Variants in CEP120 observed in about 807,000 individuals in gnomAD.
The protein encoded by CEP120 is centrosomal protein of 120 kDa.
Under a neutral mutation model 126.5 loss-of-function variants are expected in CEP120, and 113 were observed. That is an observed-to-expected ratio of 0.89 (90% CI 0.77 to 1.04). The LOEUF (loss-of-function observed/expected upper bound fraction) is 1.04. Among genes scored for constraint, CEP120 ranks in the 50% least tolerant of loss-of-function variants. CEP120 has a pLI of 0.00. For synonymous variants in CEP120, 400 were observed against 394.3 expected, an observed-to-expected ratio of 1.01 and a Z score of -0.17; for missense variants, 1,230 against 1,155.7, an observed-to-expected ratio of 1.06 and a Z score of -0.93.
chr5:123,422,635 C>CA (rs1482967370), intron 1 of CEP120: 5 of 1,152,314 alleles, frequency 4.3e-6, no homozygotes, highest in Admixed American at 2.0e-5. Flanking sequence ...TCAGAACGCG[C>CA]TTCTCAGGAC....
At position 123,376,193 on chromosome 5, in the gene CEP120, T is replaced by C. The variant is rs569346187; in HGVS notation, c.2358+1181A>G. ...AAAAGAACAGGAGAATAATGTCCTA[T>C]GAGACCATAAAATAAAAATTTGTCC... On this transcript the variant is annotated intron_variant, in intron 16 of 19. Transcript: ENST00000306467. 2.6e-5 allele frequency among the ~76,000 whole-genome samples: 4 copies of C among 152,220 alleles called. No homozygotes were observed. The South Asian group carries it at 8.3e-4, about 32-fold the overall frequency.
intron 18 of CEP120, among the ~76,000 whole-genome samples, chr5:123,354,863 C>T (rs1769463770): frequency 6.6e-6 from 1 of 151,806 alleles, no homozygotes. Context: ...TATACATGTG[C>T]CATGTTGGTG....
At position 123,390,180 on chromosome 5, in the gene CEP120, C is replaced by T. The variant is rs765991730; in HGVS notation, c.1039-40G>A. ...TAAATAAAGTATAATTTGCAAAGAA[C>T]TTTCCTTCATAATTAAGCAAAAAAC... On this transcript the variant is annotated intron_variant, in intron 7 of 19. Transcript: ENST00000306467. 1.5e-5 allele frequency: 21 copies of T among 1,422,034 alleles called. No individual in the cohort carries two copies. The Admixed American group carries it at 4.2e-4, about 28-fold the overall frequency. 88.1% of individuals were successfully genotyped at this position (1,422,034 alleles called of 1,614,324 possible).
chr5:123,411,431 A>C (rs1458767605), intron 4 of CEP120, among the ~76,000 whole-genome samples: 2 of 152,202 alleles, frequency 1.3e-5, no homozygotes, highest in Non-Finnish European at 2.9e-5. Flanking sequence ...CAAAAGTTAG[A>C]AGCAACCAAG....
intron 18 of CEP120, among the ~76,000 whole-genome samples, chr5:123,350,564 A>T (rs1769138455): frequency 6.6e-6 from 1 of 152,356 alleles, no homozygotes; most frequent in African/African-American, 2.4e-5. Flanking sequence ...ATGAACTGTC[A>T]ATACAATGAA....
chr5:123,370,503 T>C (rs1262486274), intron 17 of CEP120, among the ~76,000 whole-genome samples: 1 of 151,596 alleles, frequency 6.6e-6, no homozygotes, highest in East Asian at 1.9e-4. Context: ...TTGAGATAAG[T>C]TCTTGCTCTG....
chr5:123,358,914 G>GA (rs1769861292), intron 18 of CEP120, among the ~76,000 whole-genome samples: 1 of 151,972 alleles, frequency 6.6e-6, no homozygotes, highest in African/African-American at 2.4e-5. Context: ...AAGTCTGTGG[G>GA]AAAAAACTTA....
intron 5 of CEP120, among the ~76,000 whole-genome samples, chr5:123,398,026 G>A (rs900478108): frequency 6.6e-6 from 1 of 152,228 alleles, no homozygotes; most frequent in East Asian, 1.9e-4. Context: ...TGAGGCTACA[G>A]TGAGCTATGA....
At chr5:123,379,735 C>G (rs1771511065) in intron 14 of CEP120, among the ~76,000 whole-genome samples, 1 of 151,694 alleles carries the variant, frequency 6.6e-6, no homozygotes, top group South Asian at 2.1e-4. Flanking sequence ...TTTCTTGAGG[C>G]ACACTCTTTC....
intron 4 of CEP120, chr5:123,401,081 A>G: frequency 6.3e-7 from 1 of 1,588,994 alleles, no homozygotes; most frequent in Non-Finnish European, 8.6e-7. Context: ...AGCTCAGACC[A>G]CTTGCATAGC....
At chr5:123,408,206 A>C (rs1299279021) in intron 4 of CEP120, among the ~76,000 whole-genome samples, 1 of 152,196 alleles carries the variant, frequency 6.6e-6, no homozygotes, top group African/African-American at 2.4e-5. Flanking sequence ...CTAAGCTTCC[A>C]CCTTAGGAAA....
chr5:123,410,570 G>A (rs1773988116), intron 4 of CEP120, among the ~76,000 whole-genome samples: 1 of 152,192 alleles, frequency 6.6e-6, no homozygotes, highest in Non-Finnish European at 1.5e-5. Flanking sequence ...AGGAGCAAAG[G>A]CAATGCAATG....
At chr5:123,390,471 G>GA (rs1390831871) in intron 7 of CEP120, 2 of 353,472 alleles carry the variant, frequency 5.7e-6, no homozygotes, top group South Asian at 2.6e-5. Flanking sequence ...CTCCTAAAGA[G>GA]AAAAAACACA....
chr5:123,396,496 T>C (rs1772800503), intron 5 of CEP120, among the ~76,000 whole-genome samples: 1 of 152,046 alleles, frequency 6.6e-6, no homozygotes, highest in African/African-American at 2.4e-5. Flanking sequence ...AAGAACTGTA[T>C]TATATTGGTT....
rs745696466 is a variant in CEP120 at position 123,378,347 on chromosome 5, C to T, written c.2185G>A (p.Val729Met). ...LEKREQQLAS[V>M]ESELQREKKE... ...GACGAATGACATACCTCTGATTCCA[C>T]ACTAGCAAGCTGCTGCTCTCGCTTC... The change falls in exon 15 of 20, where the codon GTG becomes ATG. Residue 729 changes from valine (V) to methionine (M), a missense_variant. Coordinates refer to ENST00000306467, the MANE Select transcript of CEP120 (RefSeq NM_001375405.1). 1.3e-5 allele frequency: 21 copies of T among 1,605,020 alleles called. No homozygotes were observed. The Admixed American group carries it at 2.6e-4, about 20-fold the overall frequency.
At position 123,415,883 on chromosome 5, in the gene CEP120, T is replaced by C. The variant is rs1044891197; in HGVS notation, c.321+127A>G. 22 of 552,632 alleles carry C rather than the reference T, an allele frequency of 4.0e-5. No individual in the cohort carries two copies. In the Admixed American group the frequency reaches 7.4e-4, roughly 19 times the overall value. 34.2% of individuals were successfully genotyped at this position (552,632 alleles called of 1,614,324 possible). On this transcript the variant is annotated intron_variant, in intron 3 of 19. Coordinates refer to ENST00000306467, the MANE Select transcript of CEP120 (RefSeq NM_001375405.1). ...ACTCCGTCTCAAAAAAAAAAAGAAC[T>C]GCCATATTGGCTCAAGTCTATGACT...
chr5:123,358,635 C>T (rs760619265), intron 18 of CEP120, among the ~76,000 whole-genome samples: 3 of 151,872 alleles, frequency 2.0e-5, no homozygotes, highest in Non-Finnish European at 2.9e-5. Flanking sequence ...TTTTCTAAAA[C>T]GTAAGAAAAT....
chr5:123,401,804 C>T (rs9765148), intron 4 of CEP120: 601,857 of 1,339,180 alleles, frequency 0.45, 135,774 homozygotes, highest in Middle Eastern at 0.48. Flanking sequence ...TGATCTCATC[C>T]TCATACTTGT....
At chr5:123,413,588 G>C (rs1008548754) in intron 3 of CEP120, among the ~76,000 whole-genome samples, 4 of 152,028 alleles carry the variant, frequency 2.6e-5, no homozygotes, top group African/African-American at 4.8e-5. Flanking sequence ...CTTGGAAACA[G>C]CATTTTTTAC....
Sources: gnomAD v4.1 joint callset for allele counts (sites outside exome capture counted in the v4.1 genomes callset) on GRCh38, gnomAD v4.1.1 for gene constraint, MANE v1.5 for transcripts, NCBI Gene and HGNC (gene_info 2026-07-23, HGNC 2026-07-21) for gene names.